The following RB1 variants were observed in gnomAD, a reference collection of about 807,000 sequenced individuals.
The protein encoded by RB1 is RB transcriptional corepressor 1, also known as retinoblastoma-associated protein.
RB1 carries 18 observed loss-of-function variants against 135.4 expected under a neutral mutation model. The observed-to-expected ratio is 0.13, with a 90% CI of 0.09 to 0.20. RB1 has a LOEUF of 0.20. Ranked by LOEUF, RB1 falls within the 10% of genes least tolerant of loss-of-function variation. RB1 has a pLI of 1.00. For synonymous variants in RB1, 365 were observed against 373.2 expected (o/e 0.98, Z 0.25); for missense variants, 868 against 1,110.0 (o/e 0.78, Z 3.10).
chr13:48,318,347 G>T, intron 2 of RB1: 1 of 1,416,762 alleles, frequency 7.1e-7, no homozygotes, highest in Non-Finnish European at 9.5e-7. Flanking sequence ...ACGCAGCCCT[G>T]GGTTCCCTGC....
chr13:48,382,589 T>C (rs1948544407), intron 17 of RB1, among the ~76,000 whole-genome samples: 1 of 152,218 alleles, frequency 6.6e-6, no homozygotes, highest in Non-Finnish European at 1.5e-5. Context: ...AGATTCTGGA[T>C]ATTAGCCCTT....
chr13:48,363,597 A>G (rs1239101819), intron 8 of RB1, among the ~76,000 whole-genome samples: 1 of 151,414 alleles, frequency 6.6e-6, no homozygotes, highest in African/African-American at 2.4e-5. Context: ...TGCTTAGAAA[A>G]CTCTAGTGCT....
intron 9 of RB1, among the ~76,000 whole-genome samples, chr13:48,365,958 A>G (rs1191863923): frequency 6.6e-6 from 1 of 152,194 alleles, no homozygotes; most frequent in African/African-American, 2.4e-5. Flanking sequence ...TGTGGAAAAT[A>G]GTTTAGAGGT....
intron 2 of RB1, among the ~76,000 whole-genome samples, chr13:48,321,501 T>C (rs1368565121): frequency 1.3e-5 from 2 of 151,864 alleles, no homozygotes; most frequent in African/African-American, 2.4e-5. Flanking sequence ...GTATTTCCCT[T>C]GTGATTGGTG....
At chr13:48,349,229 C>G (rs990005317) in intron 6 of RB1, among the ~76,000 whole-genome samples, 2 of 151,676 alleles carry the variant, frequency 1.3e-5, no homozygotes, top group Non-Finnish European at 1.5e-5. Flanking sequence ...TTCTAATATT[C>G]CATCTTCCCT....
chr13:48,417,368 A>G (rs555758444), intron 17 of RB1: 1 of 152,456 alleles, frequency 6.6e-6, no homozygotes, highest in East Asian at 1.9e-4. Context: ...ACAAACAGAA[A>G]TGAATAGCAT....
intron 18 of RB1, among the ~76,000 whole-genome samples, chr13:48,455,496 C>T (rs1483984353): frequency 6.6e-6 from 1 of 151,290 alleles, no homozygotes; most frequent in Non-Finnish European, 1.5e-5. Flanking sequence ...GGTTAATATA[C>T]TACGTGTTGT....
intron 17 of RB1, among the ~76,000 whole-genome samples, chr13:48,415,366 G>A (rs1948890994): frequency 6.7e-6 from 1 of 150,342 alleles, no homozygotes; most frequent in Non-Finnish European, 1.5e-5. Flanking sequence ...TGCAACCTCT[G>A]CCTCCCAGGT....
At chr13:48,309,078 T>A (rs1952110390) in intron 2 of RB1, among the ~76,000 whole-genome samples, 1 of 152,198 alleles carries the variant, frequency 6.6e-6, no homozygotes, top group Non-Finnish European at 1.5e-5. Flanking sequence ...AACATTTGTA[T>A]TCGTAAGAAT....
At chr13:48,466,492 G>T (rs999804190) in intron 23 of RB1, among the ~76,000 whole-genome samples, 1 of 151,058 alleles carries the variant, frequency 6.6e-6, no homozygotes, top group African/African-American at 2.4e-5. Context: ...ACTCTAAAAC[G>T]CAGAGCGCCT....
intron 12 of RB1, 36 bp downstream of exon 12, chr13:48,373,528 C>A: frequency 7.5e-7 from 1 of 1,342,100 alleles, no homozygotes; most frequent in Non-Finnish European, 1.1e-6. Context: ...ATTGTAATAT[C>A]TTGGCAAAGA....
rs758881668 is a variant in RB1, at chr13:48,307,360, G to C, written c.218G>C (p.Arg73Thr). 4 of 1,612,960 alleles carry C rather than the reference G, an allele frequency of 2.5e-6. No homozygotes were observed. The highest frequency in any genetic ancestry group is 4.5e-5 in the East Asian group (2 of 44,750). ...AAGATACCAGATCATGTCAGAGAGA[G>C]AGCTTGGTTAACTTGGGAGAAAGTT... ...KLKIPDHVRE[R>T]AWLTWEKVSS... The change falls in exon 2 of 27, where the codon AGA becomes ACA. Residue 73 changes from arginine (R) to threonine (T), a missense_variant. Physicochemically the swap from Arg to Thr is moderately conservative, Grantham distance 71 (BLOSUM62 -1). This residue lies in a region of RB1 where 641 missense variants were observed against 791.3 expected (regional missense o/e 0.81). Coordinates refer to ENST00000267163, the MANE Select transcript of RB1 (RefSeq NM_000321.3).
intron 10 of RB1, 98 bp downstream of exon 10, chr13:48,367,701 C>T: frequency 7.4e-7 from 1 of 1,351,190 alleles, no homozygotes; most frequent in Middle Eastern, 2.5e-4. Flanking sequence ...CTTTAGATAT[C>T]ATTTATAACA....
chr13:48,362,120 G>T (rs543881008), intron 7 of RB1, among the ~76,000 whole-genome samples: 1 of 151,782 alleles, frequency 6.6e-6, no homozygotes, highest in South Asian at 2.1e-4. Flanking sequence ...GCTAATTTTT[G>T]TATTTTTAGT....
chr13:48,354,637 A>G (rs887664414), intron 6 of RB1, among the ~76,000 whole-genome samples: 1 of 152,028 alleles, frequency 6.6e-6, no homozygotes, highest in African/African-American at 2.4e-5. Flanking sequence ...AACTATCCTA[A>G]GCAGAAAGAC....
rs1312883856 is a variant in RB1 at position 48,304,036 on chromosome 13, C to T, written c.124C>T (p.Leu42=). The T allele has an allele frequency of 2.1e-6, 3 of 1,458,770 alleles. No individual in the cohort carries two copies. The highest frequency in any genetic ancestry group is 2.9e-5 in the East Asian group (1 of 34,170). The allele number at this position is 1,458,770 out of a possible 1,614,324, so 90.4% of individuals were successfully genotyped here. ...DPEQDSGPED[L]PLVRLEFEET... ...AGAGCAGGACAGCGGCCCGGAGGAC[C>T]TGCCTCTCGTCAGGTGAGCGAGCAG... The change falls in exon 1 of 27, where the codon CTG becomes TTG. Residue 42 remains leucine, a synonymous_variant. Coordinates refer to ENST00000267163, the MANE Select transcript of RB1 (RefSeq NM_000321.3).
chr13:48,409,736 A>G (rs1477527714), intron 17 of RB1, among the ~76,000 whole-genome samples: 2 of 151,598 alleles, frequency 1.3e-5, no homozygotes, highest in African/African-American at 4.8e-5. Context: ...ATGTGCCACC[A>G]CACCCAGCTA....
At position 48,381,283 on chromosome 13, in the gene RB1, T is replaced by C. The variant is rs1158433317; in HGVS notation, c.1535T>C (p.Leu512Ser). ...CAGAATCTTGATTCTGGAACAGATTTGTCTTTCCCATGGATTCTGAATGTG... is the reference window on the plus strand; with the variant it reads ...CAGAATCTTGATTCTGGAACAGATTCGTCTTTCCCATGGATTCTGAATGTG... The part of the protein sequence containing the change: ...TSQNLDSGTD[L>S]SFPWILNVLN... Residue 512 changes from leucine to serine, a missense_variant, in exon 17 of 27, where the codon TTG (leucine) becomes TCG (serine). Leu to Ser is a moderately radical substitution (Grantham distance 145). Coordinates refer to ENST00000267163, the MANE Select transcript of RB1 (RefSeq NM_000321.3). The C allele has an allele frequency of 6.2e-7, 1 of 1,612,096 alleles. No individual in the cohort carries two copies. Among genetic ancestry groups the C allele is most frequent in the Non-Finnish European group, 8.5e-7 (1 of 1,179,298 alleles).
chr13:48,349,597 C>T (rs927833839), intron 6 of RB1, among the ~76,000 whole-genome samples: 6 of 151,588 alleles, frequency 4.0e-5, no homozygotes, highest in Admixed American at 6.6e-5. Context: ...ACTACTTTCA[C>T]TAAAGGAAGA....
Sources: allele counts gnomAD v4.1 joint callset (sites outside exome capture counted in the v4.1 genomes callset), GRCh38; gene constraint gnomAD v4.1.1; regional missense constraint gnomAD v4.1.1; transcripts MANE v1.5; gene names NCBI Gene and HGNC (gene_info 2026-07-23, HGNC 2026-07-21).